ANO10: variants seen among roughly 807,000 people sequenced by gnomAD.
ANO10 encodes anoctamin 10.
Under a neutral mutation model 74.7 loss-of-function variants are expected in ANO10, and 77 were observed. The ratio of observed to expected loss-of-function variants is 1.03; its 90% CI spans 0.86 to 1.25. ANO10 has a LOEUF of 1.25. Among genes scored for constraint, ANO10 ranks in the 50% most tolerant of loss-of-function variants. The pLI, the probability that ANO10 is intolerant of heterozygous loss-of-function variation, is 0.00. For synonymous variants in ANO10, 279 were observed against 284.9 expected (o/e 0.98, Z 0.21); for missense variants, 721 against 778.1 (o/e 0.93, Z 0.87).
chr3:43,511,198 T>C (rs555090701), intron 11 of ANO10, among the ~76,000 whole-genome samples: 1 of 152,326 alleles, frequency 6.6e-6, no homozygotes, highest in East Asian at 1.9e-4. Context: ...TAAAAAGTAT[T>C]ATTATATTTC....
At chr3:43,670,520 C>T (rs1411913130) in intron 1 of ANO10, among the ~76,000 whole-genome samples, 1 of 151,906 alleles carries the variant, frequency 6.6e-6, no homozygotes, top group Non-Finnish European at 1.5e-5. Flanking sequence ...AAAAGTAGTC[C>T]TTATAATCCA....
intron 11 of ANO10, among the ~76,000 whole-genome samples, chr3:43,507,349 C>A (rs933136343): frequency 6.6e-6 from 1 of 151,974 alleles, no homozygotes; most frequent in African/African-American, 2.4e-5. Flanking sequence ...AAGTGTTCAG[C>A]GAGGCTCAGG....
At chr3:43,664,958 A>T (rs569315555) in intron 1 of ANO10, among the ~76,000 whole-genome samples, 38 of 152,348 alleles carry the variant, frequency 2.5e-4, no homozygotes, top group African/African-American at 8.9e-4. Context: ...ATTGTGGAAG[A>T]CAGTGTGGCA....
chr3:43,409,892 C>CT (rs1349237922), intron 12 of ANO10, among the ~76,000 whole-genome samples: 13 of 152,226 alleles, frequency 8.5e-5, no homozygotes, highest in African/African-American at 3.1e-4. Context: ...CTTTTTCTGA[C>CT]TTTTTATATT....
chr3:43,567,231 A>T (rs1246467688), intron 7 of ANO10, among the ~76,000 whole-genome samples: 1 of 152,196 alleles, frequency 6.6e-6, no homozygotes, highest in Non-Finnish European at 1.5e-5. Flanking sequence ...AGTGATGGGG[A>T]GAATGGAACC....
intron 11 of ANO10, among the ~76,000 whole-genome samples, chr3:43,536,418 T>C (rs958531439): frequency 1.3e-5 from 2 of 152,204 alleles, no homozygotes; most frequent in Non-Finnish European, 2.9e-5. Context: ...TTCTACATAG[T>C]CATTTGCATT....
chr3:43,686,201 C>T (rs2084272571), intron 1 of ANO10, among the ~76,000 whole-genome samples: 1 of 152,208 alleles, frequency 6.6e-6, no homozygotes, highest in Admixed American at 6.5e-5. Context: ...CCTCTCCCGT[C>T]CCTACCCCAC....
intron 11 of ANO10, among the ~76,000 whole-genome samples, chr3:43,442,091 C>T (rs1471595736): frequency 2.6e-5 from 4 of 152,102 alleles, no homozygotes; most frequent in Admixed American, 2.6e-4. Context: ...AGATCAGGAA[C>T]ATGGCGAGGA....
At chr3:43,534,951 T>C (rs1192721600) in intron 11 of ANO10, among the ~76,000 whole-genome samples, 2 of 151,982 alleles carry the variant, frequency 1.3e-5, no homozygotes, top group African/African-American at 2.4e-5. Flanking sequence ...CTCTGCTAAC[T>C]TTTTTTTCCT....
At chr3:43,400,817 G>A (rs898922088) in intron 12 of ANO10, among the ~76,000 whole-genome samples, 1 of 152,094 alleles carries the variant, frequency 6.6e-6, no homozygotes, top group African/African-American at 2.4e-5. Flanking sequence ...TTCTGACTGT[G>A]GAATAGCATG....
At chr3:43,689,905 G>C (rs2084329335) in intron 1 of ANO10, among the ~76,000 whole-genome samples, 1 of 152,166 alleles carries the variant, frequency 6.6e-6, no homozygotes, top group Non-Finnish European at 1.5e-5. Flanking sequence ...GCCCATAGTA[G>C]ACACACACCA....
intron 11 of ANO10, among the ~76,000 whole-genome samples, chr3:43,518,037 C>T (rs781155971): frequency 1.2e-4 from 19 of 152,138 alleles, no homozygotes; most frequent in Non-Finnish European, 2.2e-4. Context: ...AAGCACATAA[C>T]TCAAAGGCAG....
At chr3:43,572,938 A>G (rs767081181) in intron 7 of ANO10, among the ~76,000 whole-genome samples, 2 of 152,174 alleles carry the variant, frequency 1.3e-5, no homozygotes, top group Non-Finnish European at 2.9e-5. Flanking sequence ...CCTTAAGATT[A>G]AAAAGGAAGA....
intron 12 of ANO10, among the ~76,000 whole-genome samples, chr3:43,403,248 A>G (rs2092515644): frequency 6.6e-6 from 1 of 152,260 alleles, no homozygotes; most frequent in Admixed American, 6.5e-5. Context: ...GGTGCCACAG[A>G]TATTTTAAAT....
At chr3:43,654,139 A>T (rs12632223) in intron 1 of ANO10, among the ~76,000 whole-genome samples, 70,367 of 151,868 alleles carry the variant, frequency 0.46, 18,670 homozygotes, top group East Asian at 0.75. Context: ...AAACCTGTTC[A>T]TTTCATTATC....
chr3:43,571,604 A>T (rs538039132), intron 7 of ANO10, among the ~76,000 whole-genome samples: 2 of 151,616 alleles, frequency 1.3e-5, no homozygotes, highest in Non-Finnish European at 2.9e-5. Context: ...CAAACACTGC[A>T]TATTCTCACT....
chr3:43,634,409 C>T (rs995764315), intron 1 of ANO10, among the ~76,000 whole-genome samples: 3 of 151,982 alleles, frequency 2.0e-5, no homozygotes, highest in African/African-American at 7.3e-5. Context: ...CCCAACCACC[C>T]AGTCTTTCTC....
intron 1 of ANO10, among the ~76,000 whole-genome samples, chr3:43,628,389 T>C (rs1006594912): frequency 3.9e-5 from 6 of 152,226 alleles, no homozygotes; most frequent in Non-Finnish European, 8.8e-5. Flanking sequence ...TGCCTGTCTT[T>C]ACTTTAATTT....
chr3:43,642,002 G>A (rs2083674935), intron 1 of ANO10, among the ~76,000 whole-genome samples: 2 of 152,062 alleles, frequency 1.3e-5, no homozygotes, highest in Admixed American at 1.3e-4. Flanking sequence ...CCATTTCATT[G>A]CTAAATATTT....
Sources: allele counts gnomAD v4.1 joint callset (sites outside exome capture counted in the v4.1 genomes callset), GRCh38; gene constraint gnomAD v4.1.1; transcripts MANE v1.5; gene names NCBI Gene and HGNC (gene_info 2026-07-23, HGNC 2026-07-21).